The following HFM1 variants were observed in gnomAD, a reference collection of about 807,000 sequenced individuals.
HFM1 encodes helicase for meiosis 1, also known as probable ATP-dependent DNA helicase HFM1.
HFM1 carries 169 observed loss-of-function variants against 192.1 expected under a neutral mutation model. That is an observed-to-expected ratio of 0.88 (90% CI 0.78 to 1.00). The LOEUF (loss-of-function observed/expected upper bound fraction) is 1.00. Among genes scored for constraint, HFM1 ranks in the 50% least tolerant of loss-of-function variants. The probability of loss-of-function intolerance (pLI) is 0.00; values close to 1 mark genes in which losing one functional copy is unlikely to be tolerated. For synonymous variants in HFM1, 525 were observed against 537.8 expected, an observed-to-expected ratio of 0.98 and a Z score of 0.33; for missense variants, 1,661 against 1,668.0, an observed-to-expected ratio of 1.00 and a Z score of 0.07.
chr1:91,295,815 C>T (rs1042134921), intron 30 of HFM1, among the ~76,000 whole-genome samples: 4 of 152,108 alleles, frequency 2.6e-5, no homozygotes, highest in Admixed American at 2.0e-4. Flanking sequence ...CCCAAGGTCT[C>T]GAAGACCTAT....
intron 30 of HFM1, among the ~76,000 whole-genome samples, chr1:91,292,002 C>G (rs201289780): frequency 7.2e-5 from 11 of 152,138 alleles, no homozygotes; most frequent in Non-Finnish European, 1.0e-4. Flanking sequence ...AATTCAACAA[C>G]ACTTCATGCT....
intron 23 of HFM1, among the ~76,000 whole-genome samples, chr1:91,320,497 G>A (rs140664114): frequency 6.0e-4 from 92 of 152,264 alleles, no homozygotes; most frequent in African/African-American, 2.2e-3. Context: ...TCCTTGTTAA[G>A]CTACCTAGAG....
chr1:91,328,749 T>C (rs1570969121), intron 20 of HFM1: 1 of 1,610,352 alleles, frequency 6.2e-7, no homozygotes, highest in East Asian at 2.2e-5. Flanking sequence ...GAGCAGGTGG[T>C]GGAAAAATTC....
chr1:91,377,246 A>G (rs1186881155), intron 11 of HFM1, among the ~76,000 whole-genome samples: 1 of 151,908 alleles, frequency 6.6e-6, no homozygotes, highest in Non-Finnish European at 1.5e-5. Context: ...CTTGAAAAAT[A>G]TGAACAAAAC....
chr1:91,381,097 A>T (rs282032), intron 6 of HFM1, 115 bp from the exon 7 acceptor site: 613,962 of 614,200 alleles, frequency 1, 306,863 homozygotes, highest in South Asian at 1. Flanking sequence ...TGAGGTTTTA[A>T]CATTTGCTAT....
chr1:91,342,957 G>A lies in HFM1; in HGVS notation c.2335+473C>T, dbSNP rs1557880017. 2.0e-5 allele frequency among the ~76,000 whole-genome samples: 3 copies of A among 152,166 alleles called. No individual in the cohort carries two copies. In the South Asian group the frequency reaches 6.2e-4, roughly 31 times the overall value. ...TTCTGTGCACCTGTGCCCAGGCACGGTGGCTCAAGCCTGTAATCCCAGCAC... is the reference window on the plus strand; with the variant it reads ...TTCTGTGCACCTGTGCCCAGGCACGATGGCTCAAGCCTGTAATCCCAGCAC... On this transcript the variant is annotated intron_variant, in intron 20 of 38. Coordinates refer to ENST00000370425, the MANE Select transcript of HFM1 (RefSeq NM_001017975.6).
At chr1:91,372,703 G>T (rs2101938887) in intron 13 of HFM1, among the ~76,000 whole-genome samples, 1 of 152,198 alleles carries the variant, frequency 6.6e-6, no homozygotes, top group African/African-American at 2.4e-5. Context: ...ACTGCACGTT[G>T]TGCACATGTA....
chr1:91,286,410 T>C (rs1667977100), intron 30 of HFM1, among the ~76,000 whole-genome samples: 1 of 152,226 alleles, frequency 6.6e-6, no homozygotes, highest in African/African-American at 2.4e-5. Context: ...CAGTTTCTGA[T>C]AGCTCTAGAC....
intron 20 of HFM1, among the ~76,000 whole-genome samples, chr1:91,331,374 C>T (rs1040187953): frequency 1.3e-5 from 2 of 151,888 alleles, no homozygotes; most frequent in African/African-American, 4.8e-5. Flanking sequence ...TTTATAATAG[C>T]CACAACTAAA....
At chr1:91,289,114 T>A (rs1668386410) in intron 30 of HFM1, among the ~76,000 whole-genome samples, 1 of 150,942 alleles carries the variant, frequency 6.6e-6, no homozygotes, top group South Asian at 2.1e-4. Flanking sequence ...ATGGGGCGGC[T>A]GCCAGGCGGA....
At chr1:91,387,485 C>T (rs1305242282) in intron 4 of HFM1, among the ~76,000 whole-genome samples, 1 of 151,904 alleles carries the variant, frequency 6.6e-6, no homozygotes, top group Non-Finnish European at 1.5e-5. Context: ...TGCCCTTCTG[C>T]TCCACGGGAG....
intron 30 of HFM1, among the ~76,000 whole-genome samples, chr1:91,307,308 G>A (rs1200879005): frequency 1.3e-5 from 2 of 151,902 alleles, no homozygotes; most frequent in Non-Finnish European, 2.9e-5. Context: ...TTTAAACTCT[G>A]TAAGTCATTT....
chr1:91,292,232 T>G (rs1307362786), intron 30 of HFM1, among the ~76,000 whole-genome samples: 1 of 146,826 alleles, frequency 6.8e-6, no homozygotes, highest in Non-Finnish European at 1.5e-5. Context: ...AAATAAAGAG[T>G]ATTCGATTAG....
chr1:91,317,329 G>A (rs997250362), intron 25 of HFM1, among the ~76,000 whole-genome samples: 4 of 152,130 alleles, frequency 2.6e-5, no homozygotes, highest in African/African-American at 7.2e-5. Context: ...CAGGAGAATC[G>A]CTTGAACCCG....
intron 20 of HFM1, among the ~76,000 whole-genome samples, chr1:91,334,223 T>C (rs1468963790): frequency 6.6e-6 from 1 of 152,184 alleles, no homozygotes; most frequent in African/African-American, 2.4e-5. Context: ...CTCCTCTTAT[T>C]GGGTATGCAA....
chr1:91,322,835 T>C, intron 23 of HFM1, 115 bp downstream of exon 23: 1 of 497,532 alleles, frequency 2.0e-6, no homozygotes, highest in Non-Finnish European at 3.4e-6. Context: ...AGAAATTAAT[T>C]TCACATCCAC....
intron 2 of HFM1, among the ~76,000 whole-genome samples, chr1:91,399,823 C>A (rs1232725232): frequency 1.3e-5 from 2 of 152,170 alleles, no homozygotes; most frequent in Admixed American, 1.3e-4. Flanking sequence ...TGAACATATG[C>A]TTGTCATTTG....
At chr1:91,376,721 C>T (rs1244232015) in intron 11 of HFM1, among the ~76,000 whole-genome samples, 2 of 151,706 alleles carry the variant, frequency 1.3e-5, no homozygotes, top group Non-Finnish European at 1.5e-5. Context: ...AAATGAGATA[C>T]TACACTCAAC....
chr1:91,295,252 G>A (rs188611167), intron 30 of HFM1, among the ~76,000 whole-genome samples: 51 of 152,116 alleles, frequency 3.4e-4, no homozygotes, highest in African/African-American at 1.1e-3. Context: ...ATGTAAAATC[G>A]TTCTTTCCAG....
Sources: gnomAD v4.1 joint callset for allele counts (sites outside exome capture counted in the v4.1 genomes callset) on GRCh38, gnomAD v4.1.1 for gene constraint, MANE v1.5 for transcripts, NCBI Gene and HGNC (gene_info 2026-07-23, HGNC 2026-07-21) for gene names.